The following PDGFC variants were observed in gnomAD, a reference collection of about 807,000 sequenced individuals.
PDGFC encodes the protein platelet derived growth factor C, also known as platelet-derived growth factor C.
In PDGFC, 12 loss-of-function variants were observed where a neutral mutation model predicts 35.5. The observed-to-expected ratio is 0.34, with a 90% CI of 0.22 to 0.55. PDGFC has a LOEUF of 0.55. Among genes scored for constraint, PDGFC ranks in the 20% least tolerant of loss-of-function variants. The probability of loss-of-function intolerance (pLI) is 0.91; values close to 1 mark genes in which losing one functional copy is unlikely to be tolerated. For synonymous variants in PDGFC, 159 were observed against 148.8 expected, an observed-to-expected ratio of 1.07 and a Z score of -0.50; for missense variants, 322 against 412.4, an observed-to-expected ratio of 0.78 and a Z score of 1.90.
chr4:156,929,746 G>A (rs1169989851), intron 1 of PDGFC, among the ~76,000 whole-genome samples: 1 of 152,132 alleles, frequency 6.6e-6, no homozygotes, highest in East Asian at 1.9e-4. Context: ...AATATTCTCT[G>A]GCTATTTATC....
chr4:156,798,442 T>C (rs1731507721), intron 3 of PDGFC, among the ~76,000 whole-genome samples: 1 of 152,044 alleles, frequency 6.6e-6, no homozygotes, highest in African/African-American at 2.4e-5. Context: ...GAGGAAACAG[T>C]GAATGGCAAG....
At chr4:156,967,360 C>A (rs569692732) in intron 1 of PDGFC, 2 of 152,012 alleles carry the variant, frequency 1.3e-5, no homozygotes, top group Non-Finnish European at 2.9e-5. Context: ...CACAAGATAC[C>A]GGCAAAAGGG....
intron 3 of PDGFC, among the ~76,000 whole-genome samples, chr4:156,782,922 G>T (rs574265776): frequency 6.6e-6 from 1 of 152,236 alleles, no homozygotes; most frequent in East Asian, 1.9e-4. Context: ...CCATTGTGAG[G>T]TTCGTATCTC....
intron 1 of PDGFC, among the ~76,000 whole-genome samples, chr4:156,858,909 C>A (rs1340945470): frequency 6.6e-6 from 1 of 152,012 alleles, no homozygotes; most frequent in East Asian, 1.9e-4. Context: ...ACATTCAGAG[C>A]AGAATTTACA....
chr4:156,850,351 T>C lies in PDGFC; in HGVS notation c.184A>G (p.Arg62Gly). ...TTTCTTGGATAAGTATGAGGAAACC[T>C]TGGGCTGTGAATACTTCCATTAGTA... ...VSTNGSIHSP[R>G]FPHTYPRNTV... Residue 62 changes from arginine to glycine, a missense_variant, in exon 2 of 6, where the codon AGG (arginine) becomes GGG (glycine). Arg to Gly is a moderately radical substitution (Grantham distance 125, BLOSUM62 -2). Around this residue, in one of 2 missense-constraint regions of PDGFC, gnomAD observed 120 missense variants for 116.6 expected, o/e 1.03. Transcript: ENST00000502773. The C allele has an allele frequency of 6.2e-7, 1 of 1,609,490 alleles. No individual in the cohort carries two copies. Among genetic ancestry groups the C allele is most frequent in the Non-Finnish European group, 8.5e-7 (1 of 1,176,890 alleles).
intron 1 of PDGFC, among the ~76,000 whole-genome samples, chr4:156,857,873 G>A (rs1401935528): frequency 6.6e-6 from 1 of 151,980 alleles, no homozygotes; most frequent in African/African-American, 2.4e-5. Context: ...AAAAGTTGAT[G>A]CACAAAAGTG....
At chr4:156,891,332 A>C (rs1287419032) in intron 1 of PDGFC, among the ~76,000 whole-genome samples, 1 of 134,410 alleles carries the variant, frequency 7.4e-6, no homozygotes, top group Non-Finnish European at 1.6e-5. Flanking sequence ...AAAAGGAAAA[A>C]TACAGTGTTA....
intron 2 of PDGFC, among the ~76,000 whole-genome samples, chr4:156,833,853 G>A (rs1729001890): frequency 6.6e-6 from 1 of 152,184 alleles, no homozygotes; most frequent in African/African-American, 2.4e-5. Flanking sequence ...CTGCTGTAAA[G>A]ATTAGAGTTG....
chr4:156,937,757 T>C (rs1252621395), intron 1 of PDGFC, among the ~76,000 whole-genome samples: 1 of 152,174 alleles, frequency 6.6e-6, no homozygotes, highest in Non-Finnish European at 1.5e-5. Flanking sequence ...ACATATTTTC[T>C]AAAGTGCCTG....
At chr4:156,793,463 A>C (rs1731350266) in intron 3 of PDGFC, among the ~76,000 whole-genome samples, 1 of 149,828 alleles carries the variant, frequency 6.7e-6, no homozygotes. Flanking sequence ...TGTGACCAGC[A>C]TTCTTGAGAA....
intron 2 of PDGFC, among the ~76,000 whole-genome samples, chr4:156,826,860 G>C (rs1728769363): frequency 6.6e-6 from 1 of 152,038 alleles, no homozygotes; most frequent in Non-Finnish European, 1.5e-5. Flanking sequence ...TTAGGTCTTG[G>C]TGATGTCCAT....
intron 1 of PDGFC, among the ~76,000 whole-genome samples, chr4:156,948,556 G>C (rs1243195369): frequency 1.3e-5 from 2 of 151,898 alleles, no homozygotes; most frequent in Admixed American, 6.6e-5. Flanking sequence ...ATTTGTATTT[G>C]CCTTCCCTGA....
At chr4:156,874,360 G>T (rs975331607) in intron 1 of PDGFC, among the ~76,000 whole-genome samples, 1 of 152,056 alleles carries the variant, frequency 6.6e-6, no homozygotes, top group Admixed American at 6.6e-5. Flanking sequence ...TATTTGAATA[G>T]TCTAACCATT....
chr4:156,969,463 T>A (rs1055479676), intron 1 of PDGFC, among the ~76,000 whole-genome samples: 2 of 152,254 alleles, frequency 1.3e-5, no homozygotes, highest in African/African-American at 4.8e-5. Flanking sequence ...TGATACTATG[T>A]CTTGCTGCGC....
intron 2 of PDGFC, among the ~76,000 whole-genome samples, chr4:156,840,213 G>C (rs1055526936): frequency 2.0e-5 from 3 of 152,162 alleles, no homozygotes; most frequent in African/African-American, 7.2e-5. Context: ...TGGAGGCCTA[G>C]GAGGGAAAAA....
chr4:156,787,269 G>A (rs544848633), intron 3 of PDGFC, among the ~76,000 whole-genome samples: 29 of 152,188 alleles, frequency 1.9e-4, no homozygotes, highest in Non-Finnish European at 3.8e-4. Context: ...CAGGGAGAGA[G>A]TGCTGATCTG....
chr4:156,857,633 T>C (rs1455061043), intron 1 of PDGFC, among the ~76,000 whole-genome samples: 1 of 152,084 alleles, frequency 6.6e-6, no homozygotes, highest in Non-Finnish European at 1.5e-5. Context: ...ATAGCGAGCA[T>C]CTTCTCATCA....
At chr4:156,875,583 A>C (rs1009672141) in intron 1 of PDGFC, among the ~76,000 whole-genome samples, 13 of 152,176 alleles carry the variant, frequency 8.5e-5, no homozygotes, top group South Asian at 2.1e-4. Flanking sequence ...AAGAAAAGGT[A>C]ATTTTGTCCC....
chr4:156,898,300 T>C (rs1560863012), intron 1 of PDGFC, among the ~76,000 whole-genome samples: 1 of 152,162 alleles, frequency 6.6e-6, no homozygotes, highest in Non-Finnish European at 1.5e-5. Context: ...AATAGAAATC[T>C]GTTGTGTATA....
Sources: gnomAD v4.1 joint callset for allele counts (sites outside exome capture counted in the v4.1 genomes callset) on GRCh38, gnomAD v4.1.1 for gene constraint, gnomAD v4.1.1 regional missense constraint, MANE v1.5 for transcripts, NCBI Gene and HGNC (gene_info 2026-07-23, HGNC 2026-07-21) for gene names.